The following DEPDC5 variants were observed in gnomAD, a reference collection of about 807,000 sequenced individuals.
DEPDC5 encodes GATOR1 complex protein DEPDC5.
DEPDC5 carries 73 observed loss-of-function variants against 217.3 expected under a neutral mutation model. The ratio of observed to expected loss-of-function variants is 0.34; its 90% CI spans 0.28 to 0.41. The LOEUF (loss-of-function observed/expected upper bound fraction) is 0.41. DEPDC5 is among the 10% of genes least tolerant of loss of function. The pLI, the probability that DEPDC5 is intolerant of heterozygous loss-of-function variation, is 1.00. For synonymous variants in DEPDC5, 733 were observed against 756.7 expected (o/e 0.97, Z 0.51); for missense variants, 1,675 against 2,070.1 (o/e 0.81, Z 3.70).
chr22:31,897,770 A>G, intron 40 of DEPDC5, 117 bp downstream of exon 40: 2 of 1,196,154 alleles, frequency 1.7e-6, no homozygotes, highest in South Asian at 1.5e-5. Context: ...CCTTTCAACA[A>G]GGGGCCAAAA....
chr22:31,756,955 A>G (rs1601567788), intron 2 of DEPDC5, among the ~76,000 whole-genome samples: 1 of 151,642 alleles, frequency 6.6e-6, no homozygotes, highest in East Asian at 1.9e-4. Context: ...AAAAAGAAAC[A>G]ACCAACAGAT....
intron 33 of DEPDC5, among the ~76,000 whole-genome samples, chr22:31,864,501 A>ATATATATAT (rs2092618825): frequency 1.6e-5 from 2 of 123,162 alleles, no homozygotes; most frequent in Non-Finnish European, 3.4e-5. Context: ...TCTTCATTAA[A>ATATATATAT]ATATATATAT....
Position 31,819,085 on chromosome 22 carries a change from T to C in DEPDC5, c.1730T>C (p.Val577Ala), listed in dbSNP as rs750740373. ...RDSSAPGRFH[V>A]GSAESMLHVR... The stretch of plus-strand genomic sequence containing the variant: ...TCCAGTGCACCAGGGAGGTTTCACG[T>C]TGGCAGTGCAGAATCCATGCTGCAT... The change falls in exon 22 of 43, where the codon GTT (valine) becomes GCT (alanine). Residue 577 changes from valine (V) to alanine (A), a missense_variant. Coordinates refer to ENST00000651528, the MANE Select transcript of DEPDC5 (RefSeq NM_001242896.3). 3 of 1,614,120 alleles carry C rather than the reference T, an allele frequency of 1.9e-6. No individual in the cohort carries two copies. The highest frequency in any genetic ancestry group is 2.2e-5 in the South Asian group (2 of 91,074).
At chr22:31,855,463 G>A (rs11089531) in intron 31 of DEPDC5, among the ~76,000 whole-genome samples, 17,101 of 150,150 alleles carry the variant, frequency 0.11, 1,004 homozygotes, top group Admixed American at 0.15. Flanking sequence ...TGCAAGTGCC[G>A]CTTCCCAGGT....
chr22:31,761,330 G>T (rs140801351), intron 4 of DEPDC5, among the ~76,000 whole-genome samples: 2,080 of 152,086 alleles, frequency 0.014, 16 homozygotes, highest in Middle Eastern at 0.031. Context: ...CTTGTTTTTG[G>T]AGTCCCAAGT....
In DEPDC5 at chr22:31,783,924, G is replaced by A. The variant is rs766360619; in HGVS notation, c.501G>A (p.Thr167=). 83 of 1,613,086 alleles carry A rather than the reference G, an allele frequency of 5.1e-5. No homozygotes were observed. The highest frequency in any genetic ancestry group is 1.6e-4 in the Middle Eastern group (1 of 6,080). Reference sequence around the variant, plus strand: ...TATTTCAGGTGGTGTTTCGTTCTACGTCGGCTATGGTTTACATATTTATTC... The same window carrying A: ...TATTTCAGGTGGTGTTTCGTTCTACATCGGCTATGGTTTACATATTTATTC... ...SEDTRVVFRS[T]SAMVYIFIQM... The change falls in exon 9 of 43, where the codon ACG becomes ACA. Residue 167 remains threonine (T), a synonymous_variant. Transcript: ENST00000651528.
intron 12 of DEPDC5, among the ~76,000 whole-genome samples, chr22:31,794,099 G>T (rs919477225): frequency 9.2e-5 from 14 of 152,118 alleles, no homozygotes; most frequent in Admixed American, 5.2e-4. Context: ...GTGGAGCATG[G>T]ACCTGACACA....
chr22:31,877,776 A>C (rs1341675675), intron 37 of DEPDC5, among the ~76,000 whole-genome samples: 3 of 136,940 alleles, frequency 2.2e-5, no homozygotes, highest in Admixed American at 1.5e-4. Context: ...AAAAAAAAAC[A>C]GCAAAAACAG....
At position 31,856,153 on chromosome 22, in the gene DEPDC5, G is replaced by GCACACACACACACA. The variant is rs771652884; in HGVS notation, c.3156-1291_3156-1290insACACACACACACAC. Among the ~76,000 whole-genome samples, 129 of 108,264 alleles carry GCACACACACACACA rather than the reference G, an allele frequency of 1.2e-3. 5 individuals carry two copies. Among genetic ancestry groups the GCACACACACACACA allele is most frequent in the African/African-American group, 3.8e-3 (117 of 30,656 alleles). The allele number at this position is 108,264 out of a possible 152,430, so 71.0% of individuals were successfully genotyped here. ...CAGAGATGTGCTGAGTTGGGCCAAC[G>GCACACACACACACA]CGCACACACACACACACACACACAC... On this transcript the variant is annotated intron_variant, in intron 31 of 42. Coordinates refer to ENST00000651528, the MANE Select transcript of DEPDC5 (RefSeq NM_001242896.3).
chr22:31,816,529 C>T (rs1301347502), intron 21 of DEPDC5: 1 of 151,956 alleles, frequency 6.6e-6, no homozygotes, highest in Non-Finnish European at 1.5e-5. Flanking sequence ...CTCCTGGGTT[C>T]AAGTGATTCT....
At chr22:31,791,950 A>AAT in intron 10 of DEPDC5, 83 bp from the exon 11 acceptor site, 1 of 608,012 alleles carries the variant, frequency 1.6e-6, no homozygotes, top group Non-Finnish European at 2.5e-6. Flanking sequence ...AAAAAAAAAA[A>AAT]AGAATATTAT....
intron 7 of DEPDC5, among the ~76,000 whole-genome samples, chr22:31,771,518 G>A (rs1457173572): frequency 2.0e-5 from 3 of 151,504 alleles, no homozygotes; most frequent in Non-Finnish European, 4.4e-5. Context: ...TCAGGAGATC[G>A]AGACCATCCT....
In DEPDC5 at chr22:31,810,637, T is replaced by C. The variant is rs2148708095; in HGVS notation, c.1441T>C (p.Cys481Arg). ...ATCCCGGGCCCAGTGCCTCACCACC[T>C]GCAGGTTTTCTGCCAGATTCACTTG... ...GPSRAQCLTT[C>R]RSVRERESHS... Residue 481 changes from cysteine to arginine, a missense_variant, in exon 20 of 43, where the codon TGC (cysteine) becomes CGC (arginine). Around this residue, in one of 11 missense-constraint regions of DEPDC5, gnomAD observed 628 missense variants for 762.1 expected, o/e 0.82. Transcript: ENST00000651528. The C allele has an allele frequency of 6.2e-7, 1 of 1,614,204 alleles. No homozygotes were observed. The highest frequency in any genetic ancestry group is 8.5e-7 in the Non-Finnish European group (1 of 1,180,034).
chr22:31,854,611 T>G (rs1025751306), intron 31 of DEPDC5, among the ~76,000 whole-genome samples: 1 of 152,140 alleles, frequency 6.6e-6, no homozygotes, highest in African/African-American at 2.4e-5. Context: ...TAGCAAAGAT[T>G]ATCAGTGGCA....
chr22:31,803,622 A>G lies in DEPDC5; in HGVS notation c.1082-540A>G, dbSNP rs963131865. 2.1e-4 allele frequency among the ~76,000 whole-genome samples: 32 copies of G among 151,916 alleles called. 1 individual carries two copies. The highest frequency in any genetic ancestry group is 1.8e-3 in the Admixed American group (28 of 15,220). ...CACACCCCCCAATTTGATTTGTTTC[A>G]TCAACAAGATGGAGTTGGGACGCTG... On this transcript the variant is annotated intron_variant, in intron 15 of 42. Transcript: ENST00000651528.
At chr22:31,903,068 C>G (rs560722133) in intron 41 of DEPDC5, among the ~76,000 whole-genome samples, 1 of 151,900 alleles carries the variant, frequency 6.6e-6, no homozygotes, top group Non-Finnish European at 1.5e-5. Context: ...CACAGATACC[C>G]TCACCTGTTT....
intron 37 of DEPDC5, among the ~76,000 whole-genome samples, chr22:31,877,910 G>T (rs942986742): frequency 6.6e-6 from 1 of 151,922 alleles, no homozygotes; most frequent in African/African-American, 2.4e-5. Context: ...AAACATGGCC[G>T]GGAGCGGTGG....
intron 10 of DEPDC5, among the ~76,000 whole-genome samples, chr22:31,786,875 C>A (rs1214537918): frequency 6.6e-6 from 1 of 151,848 alleles, no homozygotes; most frequent in Non-Finnish European, 1.5e-5. Flanking sequence ...CAATTCTCCA[C>A]CTGTTCAGTT....
chr22:31,834,157 AG>A, intron 25 of DEPDC5, 177 bp downstream of exon 25: 1 of 712,146 alleles, frequency 1.4e-6, no homozygotes, highest in Non-Finnish European at 2.5e-6. Flanking sequence ...ATGGAAAGTG[AG>A]GGGGTGTGTG....
Sources: allele counts gnomAD v4.1 joint callset (sites outside exome capture counted in the v4.1 genomes callset), GRCh38; gene constraint gnomAD v4.1.1; regional missense constraint gnomAD v4.1.1; transcripts MANE v1.5; gene names NCBI Gene and HGNC (gene_info 2026-07-23, HGNC 2026-07-21).